The following NUP107 variants were observed in gnomAD, a reference collection of about 807,000 sequenced individuals.
NUP107 encodes the protein nuclear pore complex protein Nup107.
In NUP107, 101 loss-of-function variants were observed where a neutral mutation model predicts 141.0. That is an observed-to-expected ratio of 0.72 (90% CI 0.61 to 0.84). The LOEUF (loss-of-function observed/expected upper bound fraction) is 0.84, where lower values mean the gene tolerates loss of function less well. NUP107 is among the 40% of genes least tolerant of loss of function. NUP107 has a pLI of 0.00. For synonymous variants in NUP107, 319 were observed against 363.9 expected (o/e 0.88, Z 1.41); for missense variants, 941 against 1,102.7 (o/e 0.85, Z 2.08).
intron 11 of NUP107, among the ~76,000 whole-genome samples, chr12:68,715,101 C>T (rs1007873450): frequency 3.9e-5 from 6 of 152,162 alleles, no homozygotes; most frequent in Admixed American, 3.9e-4. Flanking sequence ...TGTGGGCCAA[C>T]TGAGTATGTT....
intron 7 of NUP107, among the ~76,000 whole-genome samples, chr12:68,702,352 C>T (rs183381578): frequency 6.6e-5 from 10 of 151,524 alleles, no homozygotes; most frequent in East Asian, 5.8e-4. Flanking sequence ...CTCGAACACC[C>T]GACCTCAGGT....
intron 12 of NUP107, among the ~76,000 whole-genome samples, chr12:68,718,263 G>T (rs1877195861): frequency 6.6e-6 from 1 of 152,142 alleles, no homozygotes; most frequent in Non-Finnish European, 1.5e-5. Flanking sequence ...AGTCCTGGTG[G>T]TGAATCTTGT....
intron 10 of NUP107, among the ~76,000 whole-genome samples, chr12:68,713,031 G>A (rs1202652737): frequency 6.6e-6 from 1 of 151,408 alleles, no homozygotes; most frequent in East Asian, 1.9e-4. Flanking sequence ...GCAATAATCA[G>A]GCAAAAAAAT....
chr12:68,722,884 G>A (rs1269602432), intron 17 of NUP107, among the ~76,000 whole-genome samples: 1 of 152,104 alleles, frequency 6.6e-6, no homozygotes, highest in Non-Finnish European at 1.5e-5. Context: ...TTCTAGTGCT[G>A]TAATGAAGTT....
chr12:68,739,999 TCAGCCATTACCCTGGATAGTTGCTGG>T (rs1361632368), intron 26 of NUP107: 1 of 152,226 alleles, frequency 6.6e-6, no homozygotes, highest in African/African-American at 2.4e-5. Context: ...GCTGGGTCTG[TCAGCCATTACCCTGGATAGTTGCTGG>T]CAGCCCGCCC....
rs540777330 is a variant in NUP107, at chr12:68,737,048, C to T, written c.2502+1704C>T. Among the ~76,000 whole-genome samples the T allele has an allele frequency of 1.2e-4, 18 of 152,302 alleles. 1 individual carries two copies. Among genetic ancestry groups the T allele is most frequent in the Admixed American group, 5.2e-4 (8 of 15,304 alleles). ...AACGTTCGTAATAGAACTCCTTTGA[C>T]TCGTTTTAAACCTTCCACAGGTTCC... On this transcript the variant is annotated intron_variant, in intron 26 of 27. Transcript: ENST00000229179.
chr12:68,720,298 A>C (rs989794373), intron 14 of NUP107, among the ~76,000 whole-genome samples: 2 of 152,194 alleles, frequency 1.3e-5, no homozygotes, highest in Non-Finnish European at 2.9e-5. Flanking sequence ...TAAATATGGC[A>C]CTTTACCTTG....
chr12:68,697,096 G>T (rs1320122052), intron 6 of NUP107, among the ~76,000 whole-genome samples, 174 bp downstream of exon 6: 3 of 151,848 alleles, frequency 2.0e-5, no homozygotes, highest in Non-Finnish European at 4.4e-5. Context: ...GCCCATACAA[G>T]ATTTCTTTGG....
intron 22 of NUP107, 42 bp from the exon 23 acceptor site, chr12:68,732,595 A>C (rs75318368): frequency 1.4e-5 from 18 of 1,246,352 alleles, no homozygotes; most frequent in Admixed American, 4.3e-5. Context: ...TAAAAAAAAA[A>C]CTCTGATATT....
intron 1 of NUP107, chr12:68,687,498 C>G: frequency 9.8e-7 from 1 of 1,016,188 alleles, no homozygotes; most frequent in Non-Finnish European, 1.2e-6. Flanking sequence ...GATCTGGGTA[C>G]TGTGCTAGCC....
chr12:68,740,389 G>A (rs986987319), intron 26 of NUP107, among the ~76,000 whole-genome samples: 5 of 152,126 alleles, frequency 3.3e-5, no homozygotes, highest in Non-Finnish European at 2.9e-5. Flanking sequence ...AAATAAAGGT[G>A]CTTCCCTTGT....
In NUP107 at chr12:68,696,793, C is replaced by CTTT. The variant is rs35640989; in HGVS notation, c.449-15_449-13dup. On this transcript the variant is annotated intron_variant, in intron 5 of 27. Coordinates refer to ENST00000229179, the MANE Select transcript of NUP107 (RefSeq NM_020401.4). Reference sequence around the variant, plus strand: ...TACGTCACTTAACTTTTCTTTATTCCTTTTTTTTTTTTTGATGTGTTCTAG... The same window carrying CTTT: ...TACGTCACTTAACTTTTCTTTATTCCTTTTTTTTTTTTTTTTGATGTGTTCTAG... 737 of 1,026,518 alleles carry CTTT rather than the reference C, an allele frequency of 7.2e-4. 2 individuals are homozygous for CTTT. The highest frequency in any genetic ancestry group is 1.5e-3 in the South Asian group (92 of 60,422). The allele number at this position is 1,026,518 out of a possible 1,614,324, so 63.6% of individuals were successfully genotyped here.
At chr12:68,730,749 G>GTA (rs978911618) in intron 20 of NUP107, among the ~76,000 whole-genome samples, 4 of 152,148 alleles carry the variant, frequency 2.6e-5, no homozygotes, top group African/African-American at 9.7e-5. Context: ...CAGATCACTT[G>GTA]AGCCCAGGAG....
intron 8 of NUP107, chr12:68,706,837 G>A (rs1039322593): frequency 2.6e-6 from 2 of 758,516 alleles, no homozygotes; most frequent in African/African-American, 3.4e-5. Flanking sequence ...TGGAGTCTGG[G>A]ATGCAGAACA....
Position 68,689,519 on chromosome 12 carries a change from A to T in NUP107, c.101-14A>T. ...CTTTTCTACATGGAAAACTTTTCTT[A>T]ACTCGTTGTACAGTTCAGGCATCTC... On this transcript the variant is annotated splice_polypyrimidine_tract_variant and intron_variant, in intron 2 of 27. Transcript: ENST00000229179. The T allele has an allele frequency of 6.6e-7, 1 of 1,517,380 alleles. No individual in the cohort carries two copies. The highest frequency in any genetic ancestry group is 9.0e-7 in the Non-Finnish European group (1 of 1,117,272). The allele number at this position is 1,517,380 out of a possible 1,614,324, so 94.0% of individuals were successfully genotyped here. A position where few individuals can be genotyped will look rare whatever the true frequency, so the allele number is the denominator to read the frequency against.
intron 26 of NUP107, among the ~76,000 whole-genome samples, chr12:68,737,688 A>G (rs953192108): frequency 2.0e-5 from 3 of 152,056 alleles, no homozygotes; most frequent in Non-Finnish European, 4.4e-5. Context: ...AGTCTCAATT[A>G]TTTCTTTAAA....
At chr12:68,736,472 A>G (rs1213194685) in intron 26 of NUP107, among the ~76,000 whole-genome samples, 1 of 152,112 alleles carries the variant, frequency 6.6e-6, no homozygotes, top group African/African-American at 2.4e-5. Flanking sequence ...GCTGGAGGAC[A>G]GTGGCTTCAT....
At chr12:68,700,917 T>C in intron 7 of NUP107, 64 bp downstream of exon 7, 1 of 1,427,036 alleles carries the variant, frequency 7.0e-7, no homozygotes, top group Non-Finnish European at 9.3e-7. Flanking sequence ...GGCAAATTAA[T>C]TTAAAAGTTA....
intron 22 of NUP107, among the ~76,000 whole-genome samples, chr12:68,732,348 C>T (rs966025386): frequency 6.6e-6 from 1 of 152,142 alleles, no homozygotes; most frequent in African/African-American, 2.4e-5. Flanking sequence ...GTTGTCCAGG[C>T]TGGTCTCGAA....
Sources: gnomAD v4.1 joint callset for allele counts (sites outside exome capture counted in the v4.1 genomes callset) on GRCh38, gnomAD v4.1.1 for gene constraint, MANE v1.5 for transcripts, NCBI Gene and HGNC (gene_info 2026-07-23, HGNC 2026-07-21) for gene names.